Variants in RHCE observed in about 807,000 individuals in gnomAD.
RHCE encodes the protein blood group Rh(CE) polypeptide.
A neutral mutation model predicts 43.8 loss-of-function variants in RHCE; 22 were observed. That is an observed-to-expected ratio of 0.50 (90% confidence interval 0.36 to 0.72). The LOEUF is 0.72. Among genes scored for constraint, RHCE ranks in the 30% least tolerant of loss-of-function variants. RHCE has a pLI of 0.00. For synonymous variants in RHCE, 156 were observed against 210.7 expected, an observed-to-expected ratio of 0.74 and a Z score of 2.25; for missense variants, 385 against 525.4, an observed-to-expected ratio of 0.73 and a Z score of 2.61.
At chr1:25,417,643 T>C (rs1178811197) in intron 1 of RHCE, among the ~76,000 whole-genome samples, 2 of 152,128 alleles carry the variant, frequency 1.3e-5, no homozygotes, top group African/African-American at 4.8e-5. Context: ...ACCATTATGA[T>C]TAGTAATTTG....
chr1:25,403,538 CAAAAAAA>C (rs779315440), intron 2 of RHCE, among the ~76,000 whole-genome samples: 1 of 131,220 alleles, frequency 7.6e-6, no homozygotes, highest in African/African-American at 2.8e-5. Context: ...TCTTATGATC[CAAAAAAA>C]AAAAAAATGT....
intron 2 of RHCE, 25 bp from the exon 3 acceptor site, chr1:25,402,771 A>G: frequency 6.2e-7 from 1 of 1,613,820 alleles, no homozygotes; most frequent in East Asian, 2.2e-5. Context: ...GAGAGCCAGG[A>G]TGACTGAGAA....
chr1:25,382,087 A>T (rs1557608326), intron 7 of RHCE, among the ~76,000 whole-genome samples: 1 of 151,312 alleles, frequency 6.6e-6, no homozygotes, highest in Non-Finnish European at 1.5e-5. Context: ...GGGCAAGAGC[A>T]TGCCAGCTCA....
At chr1:25,393,001 C>T (rs1434557123) in intron 3 of RHCE, among the ~76,000 whole-genome samples, 2 of 152,186 alleles carry the variant, frequency 1.3e-5, no homozygotes, top group Admixed American at 6.5e-5. Context: ...AATTTTGCAA[C>T]ATGAAGCAAC....
At chr1:25,378,253 C>T (rs535061962) in intron 7 of RHCE, among the ~76,000 whole-genome samples, 1 of 152,296 alleles carries the variant, frequency 6.6e-6, no homozygotes, top group South Asian at 2.1e-4. Flanking sequence ...AACTGTTTAG[C>T]AGTAGCCACT....
rs577451677 is a variant in RHCE, at chr1:25,408,103, C to A, written c.335+580G>T. On this transcript the variant is annotated intron_variant, in intron 2 of 9. Transcript: ENST00000294413. The stretch of plus-strand genomic sequence containing the variant: ...AGGAGTTTGAGACTAGCCTGACCAA[C>A]ACAGAGAAACCCTATCTCTACTAAA... Among the ~76,000 whole-genome samples, 36 of 122,038 alleles carry A rather than the reference C, an allele frequency of 2.9e-4. 4 individuals carry two copies. The highest frequency in any genetic ancestry group is 8.6e-4 in the African/African-American group (34 of 39,482). 80.1% of individuals were successfully genotyped at this position (122,038 alleles called of 152,430 possible). A position where few individuals can be genotyped will look rare whatever the true frequency, so the allele number is the denominator to read the frequency against.
At chr1:25,418,437 G>C (rs1241695374) in intron 1 of RHCE, among the ~76,000 whole-genome samples, 2 of 151,838 alleles carry the variant, frequency 1.3e-5, no homozygotes, top group Admixed American at 6.6e-5. Context: ...CAAGTAGCTG[G>C]GATTACAGAC....
chr1:25,411,332 G>C, intron 1 of RHCE: 1 of 1,550,432 alleles, frequency 6.4e-7, no homozygotes, highest in Non-Finnish European at 8.7e-7. Context: ...ACAGCAATAG[G>C]AACTCACCTG....
intron 3 of RHCE, among the ~76,000 whole-genome samples, chr1:25,400,592 C>T (rs1435824744): frequency 6.6e-6 from 1 of 151,104 alleles, no homozygotes; most frequent in Non-Finnish European, 1.5e-5. Flanking sequence ...CTTTAAACAC[C>T]ATCTGTATTG....
upstream of RHCE, among the ~76,000 whole-genome samples, chr1:25,422,065 C>T (rs1265113431): frequency 6.6e-6 from 1 of 152,132 alleles, no homozygotes. Context: ...ATCACCCAGT[C>T]GAATCCTGTC....
intron 3 of RHCE, among the ~76,000 whole-genome samples, chr1:25,402,139 AGT>A (rs1646768144): frequency 6.6e-6 from 1 of 151,788 alleles, no homozygotes; most frequent in African/African-American, 2.4e-5. Flanking sequence ...GGCCTCCCAA[AGT>A]GCTGGGATTA....
chr1:25,397,340 T>C (rs1367426515), intron 3 of RHCE, among the ~76,000 whole-genome samples: 2 of 150,128 alleles, frequency 1.3e-5, no homozygotes, highest in Admixed American at 6.6e-5. Context: ...CTACTAAAAA[T>C]ACAAAAGTAA....
intron 1 of RHCE, among the ~76,000 whole-genome samples, chr1:25,411,044 A>T (rs1647058008): frequency 6.6e-6 from 1 of 151,976 alleles, no homozygotes; most frequent in Non-Finnish European, 1.5e-5. Flanking sequence ...GTGAGCTGAG[A>T]CCGCACCACT....
At chr1:25,411,092 AAAAT>A (rs375989102) in intron 1 of RHCE, among the ~76,000 whole-genome samples, 532 of 151,486 alleles carry the variant, frequency 3.5e-3, no homozygotes, top group Non-Finnish European at 6.0e-3. Context: ...ACTCTGTCTC[AAAAT>A]AAATAAATAA....
At chr1:25,398,812 T>C in intron 3 of RHCE, 1 of 1,098,444 alleles carries the variant, frequency 9.1e-7, no homozygotes, top group Admixed American at 1.7e-5. Flanking sequence ...CCTGCTCATA[T>C]CTCAGCATTT....
chr1:25,430,068 C>G (rs555454178), exon 1 of RHCE: 20 of 151,940 alleles, frequency 1.3e-4, no homozygotes, highest in East Asian at 5.8e-4. Flanking sequence ...CGGCCCGGCC[C>G]GGAGGCCGAT....
chr1:25,427,784 T>C (rs1362256413), intron 2 of RHCE, among the ~76,000 whole-genome samples: 1 of 152,240 alleles, frequency 6.6e-6, no homozygotes, highest in Non-Finnish European at 1.5e-5. Context: ...TTATGTGACC[T>C]TGTTTCCTCT....
At chr1:25,420,849 T>A (rs930879334), upstream of RHCE, 6 of 1,571,614 alleles carry the variant, frequency 3.8e-6, no homozygotes, top group Non-Finnish European at 5.2e-6. Flanking sequence ...CTCCAACACC[T>A]ACTTGAGGGC....
In RHCE at chr1:25,388,996, C is replaced by T. The variant is rs200950594; in HGVS notation, c.919G>A (p.Gly307Arg). Reference protein sequence around the residue: ...LGLVAGLISIGGAKCLPVCCN... With the variant: ...LGLVAGLISIRGAKCLPVCCN... ...CTTACCGGCAGGCACTTGGCTCCCC[C>T]GATGGAGATCAGCCCAGCCACAAGA... is the stretch of plus-strand genomic sequence containing the variant. Residue 307 changes from glycine (G) to arginine (R), a missense_variant, in exon 6 of 10, where the codon GGG becomes AGG. This residue lies in a region of RHCE where 82 missense variants were observed against 69.2 expected (regional missense o/e 1.18). Transcript: ENST00000294413. The T allele has an allele frequency of 2.3e-5, 37 of 1,614,214 alleles. No individual in the cohort carries two copies. In the Admixed American group the frequency reaches 5.5e-4, roughly 24 times the overall value.
Sources: gnomAD v4.1 joint callset for allele counts (sites outside exome capture counted in the v4.1 genomes callset) on GRCh38, gnomAD v4.1.1 for gene constraint, gnomAD v4.1.1 regional missense constraint, MANE v1.5 for transcripts, NCBI Gene and HGNC (gene_info 2026-07-23, HGNC 2026-07-21) for gene names.